Variants in LCOR observed in about 807,000 individuals in gnomAD.
LCOR encodes the protein ligand-dependent corepressor.
In LCOR, 14 loss-of-function variants were observed where a neutral mutation model predicts 64.4. The ratio of observed to expected loss-of-function variants is 0.22; its 90% confidence interval spans 0.14 to 0.34. LCOR has a LOEUF of 0.34. LCOR is among the 10% of genes least tolerant of loss of function. The pLI, the probability that LCOR is intolerant of heterozygous loss-of-function variation, is 1.00. For synonymous variants in LCOR, 643 were observed against 642.5 expected (o/e 1.00, Z -0.01); for missense variants, 1,686 against 1,765.3 (o/e 0.96, Z 0.80).
intron 2 of LCOR, among the ~76,000 whole-genome samples, chr10:96,877,754 G>A (rs1356809528): frequency 6.6e-6 from 1 of 151,828 alleles, no homozygotes; most frequent in Non-Finnish European, 1.5e-5. Context: ...TGGGACTACA[G>A]GCGCCTGCCA....
intron 2 of LCOR, among the ~76,000 whole-genome samples, chr10:96,869,225 G>C (rs1846029870): frequency 6.6e-6 from 1 of 151,812 alleles, no homozygotes; most frequent in Admixed American, 6.6e-5. Flanking sequence ...TGTTTGTTTT[G>C]GCGGGGGGTC....
chr10:96,867,496 CTG>C (rs886640404), intron 2 of LCOR, among the ~76,000 whole-genome samples: 13 of 152,136 alleles, frequency 8.5e-5, no homozygotes, highest in Admixed American at 8.5e-4. Context: ...ACTCAGAAGA[CTG>C]AGGTGGGAGG....
chr10:96,866,715 C>T (rs1845980256), intron 2 of LCOR, among the ~76,000 whole-genome samples: 1 of 152,096 alleles, frequency 6.6e-6, no homozygotes, highest in African/African-American at 2.4e-5. Context: ...GCTCGGATTA[C>T]AGGCGCACAC....
intron 1 of LCOR, chr10:96,832,806 C>G (rs985767915): frequency 5.7e-6 from 1 of 174,692 alleles, no homozygotes; most frequent in Non-Finnish European, 1.1e-5. Flanking sequence ...CTGGGGGAGG[C>G]GCGAGGGGCG....
intron 7 of LCOR, chr10:96,960,542 A>G (rs1479121418): frequency 6.6e-6 from 1 of 152,170 alleles, no homozygotes; most frequent in Non-Finnish European, 1.5e-5. Context: ...AGAATATGGC[A>G]ATAGACAGAA....
chr10:96,970,322 C>A (rs536964928), intron 7 of LCOR, among the ~76,000 whole-genome samples: 2 of 151,574 alleles, frequency 1.3e-5, no homozygotes, highest in African/African-American at 4.8e-5. Flanking sequence ...CGCTTGAGCC[C>A]GGGAGGCGGA....
At chr10:96,904,842 T>A (rs1846701479) in intron 2 of LCOR, among the ~76,000 whole-genome samples, 2 of 152,230 alleles carry the variant, frequency 1.3e-5, no homozygotes, top group Non-Finnish European at 2.9e-5. Context: ...TCCCTGTTGC[T>A]ATGCAACTGC....
intron 5 of LCOR, among the ~76,000 whole-genome samples, chr10:96,946,875 G>A (rs565877683): frequency 6.6e-6 from 1 of 151,944 alleles, no homozygotes; most frequent in Non-Finnish European, 1.5e-5. Context: ...CAGAGGCATC[G>A]CATAAATTCA....
chr10:96,988,171 A>T lies in LCOR; in HGVS notation c.*3037A>T, dbSNP rs556841052. 1 of 152,246 alleles carries T rather than the reference A, an allele frequency of 6.6e-6. No homozygotes were observed. Among genetic ancestry groups the T allele is most frequent in the Admixed American group, 6.5e-5 (1 of 15,288 alleles). The allele number at this position is 152,246 out of a possible 1,614,324, so 9.4% of individuals were successfully genotyped here. A position where few individuals can be genotyped will look rare whatever the true frequency, so the allele number is the denominator to read the frequency against. ...ACGAGACTCCCTGCTATAGATGGACATGCAGGAGACCACTCCCTCACTTGG... is the reference window on the plus strand; with the variant it reads ...ACGAGACTCCCTGCTATAGATGGACTTGCAGGAGACCACTCCCTCACTTGG... On this transcript the variant is annotated 3_prime_UTR_variant, in exon 8 of 8. Coordinates refer to ENST00000421806, the MANE Select transcript of LCOR (RefSeq NM_001346516.2).
intron 2 of LCOR, among the ~76,000 whole-genome samples, chr10:96,855,460 G>A (rs969085346): frequency 6.6e-6 from 1 of 152,026 alleles, no homozygotes; most frequent in Non-Finnish European, 1.5e-5. Context: ...TTGAGATGGA[G>A]TTTCGCTCTT....
intron 4 of LCOR, among the ~76,000 whole-genome samples, chr10:96,938,648 A>C (rs1171256040): frequency 6.6e-6 from 1 of 152,252 alleles, no homozygotes; most frequent in African/African-American, 2.4e-5. Flanking sequence ...CAAGAAATTT[A>C]CAAAACACTA....
intron 2 of LCOR, among the ~76,000 whole-genome samples, chr10:96,870,330 T>G (rs1846052193): frequency 1.3e-5 from 2 of 152,300 alleles, no homozygotes; most frequent in South Asian, 4.1e-4. Context: ...AGGTTTTGAC[T>G]TCTGTAAGAA....
chr10:96,929,552 A>G (rs959227111), intron 4 of LCOR, among the ~76,000 whole-genome samples: 1 of 152,220 alleles, frequency 6.6e-6, no homozygotes, highest in African/African-American at 2.4e-5. Context: ...TTGATCTTCT[A>G]TCCAGACCAC....
intron 2 of LCOR, among the ~76,000 whole-genome samples, chr10:96,854,242 G>A (rs985055172): frequency 2.6e-5 from 4 of 152,196 alleles, no homozygotes; most frequent in Non-Finnish European, 5.9e-5. Flanking sequence ...ATGGTAGGAT[G>A]ATATAAAGTT....
intron 4 of LCOR, among the ~76,000 whole-genome samples, chr10:96,938,130 A>T (rs1847384432): frequency 6.6e-6 from 1 of 151,586 alleles, no homozygotes; most frequent in Non-Finnish European, 1.5e-5. Flanking sequence ...ATAATTTTTT[A>T]ACTGATTTGT....
chr10:96,848,935 A>G (rs1405015761), intron 2 of LCOR, among the ~76,000 whole-genome samples: 1 of 150,904 alleles, frequency 6.6e-6, no homozygotes, highest in East Asian at 1.9e-4. Flanking sequence ...TGCATATAAA[A>G]TAAATAGATC....
rs58390684 is a variant in LCOR, at chr10:96,989,695, A to ATTTTTT, written c.*4580_*4585dup. 9.3e-5 allele frequency: 8 copies of ATTTTTT among 86,160 alleles called. No individual in the cohort carries two copies. The highest frequency in any genetic ancestry group is 3.7e-4 in the African/African-American group (6 of 16,170). 5.3% of individuals were successfully genotyped at this position (86,160 alleles called of 1,614,324 possible). A position where few individuals can be genotyped will look rare whatever the true frequency, so the allele number is the denominator to read the frequency against. Reference sequence around the variant, plus strand: ...TAAGGATATATATATATATATATATATTTTTTTTTTTTTTTTTTTTTTTTA... The same window carrying ATTTTTT: ...TAAGGATATATATATATATATATATATTTTTTTTTTTTTTTTTTTTTTTTTTTTTTA... On this transcript the variant is annotated 3_prime_UTR_variant, in exon 8 of 8. Coordinates refer to ENST00000421806, the MANE Select transcript of LCOR (RefSeq NM_001346516.2).
chr10:96,925,137 G>A (rs1847145676), intron 4 of LCOR, among the ~76,000 whole-genome samples: 2 of 151,884 alleles, frequency 1.3e-5, no homozygotes, highest in South Asian at 4.1e-4. Flanking sequence ...GTACGGTGGT[G>A]CAATCTGGGC....
intron 2 of LCOR, among the ~76,000 whole-genome samples, chr10:96,876,776 G>A (rs985092812): frequency 2.0e-5 from 3 of 152,074 alleles, no homozygotes; most frequent in South Asian, 4.2e-4. Flanking sequence ...TGCAATCTCC[G>A]CCTCCCGGGT....
Sources: gnomAD v4.1 joint callset for allele counts (sites outside exome capture counted in the v4.1 genomes callset) on GRCh38, gnomAD v4.1.1 for gene constraint, MANE v1.5 for transcripts, NCBI Gene and HGNC (gene_info 2026-07-23, HGNC 2026-07-21) for gene names.